TOMM40L: variants seen among roughly 807,000 people sequenced by gnomAD.
The protein encoded by TOMM40L is mitochondrial import receptor subunit TOM40B.
Under a neutral mutation model 38.3 loss-of-function variants are expected in TOMM40L, and 17 were observed. The ratio of observed to expected loss-of-function variants is 0.44; its 90% CI spans 0.30 to 0.67. The LOEUF (loss-of-function observed/expected upper bound fraction) is 0.67. Among genes scored for constraint, TOMM40L ranks in the 30% least tolerant of loss-of-function variants. TOMM40L has a pLI of 0.08. For missense variants in TOMM40L, 294 were observed against 390.0 expected, an observed-to-expected ratio of 0.75 and a Z score of 2.07; for synonymous variants, 151 against 150.2, an observed-to-expected ratio of 1.01 and a Z score of -0.04.
chr1:161,229,981 G>A lies in TOMM40L; in HGVS notation c.*886G>A, dbSNP rs1381173792. On this transcript the variant is annotated 3_prime_UTR_variant, in exon 10 of 10. Transcript: ENST00000367988. ...AAACAGGAGGGAAATAAGGCAGTTG[G>A]GAGTCTTGTCTCTAGGCCCTGATCC... The A allele has an allele frequency of 6.2e-7, 1 of 1,605,890 alleles. No individual in the cohort carries two copies. The highest frequency in any genetic ancestry group is 8.5e-7 in the Non-Finnish European group (1 of 1,174,932).
chr1:161,230,197 G>A lies in TOMM40L; in HGVS notation c.*1102G>A. ...GTGAAGAAAGCTCCAGACTTGGCCAGAACTCCAACCATGTGGAATCTGAGG... is the reference window on the plus strand; with the variant it reads ...GTGAAGAAAGCTCCAGACTTGGCCAAAACTCCAACCATGTGGAATCTGAGG... On this transcript the variant is annotated 3_prime_UTR_variant, in exon 10 of 10. Transcript: ENST00000367988. 2.2e-6 allele frequency: 1 copy of A among 453,442 alleles called. No homozygotes were observed. The highest frequency in any genetic ancestry group is 4.0e-6 in the Non-Finnish European group (1 of 250,760). 28.1% of individuals were successfully genotyped at this position (453,442 alleles called of 1,614,324 possible).
chr1:161,227,312 G>T lies in TOMM40L; in HGVS notation c.238G>T (p.Ala80Ser), dbSNP rs753836589. 6.2e-7 allele frequency: 1 copy of T among 1,614,032 alleles called. No individual in the cohort carries two copies. Among genetic ancestry groups the T allele is most frequent in the Non-Finnish European group, 8.5e-7 (1 of 1,180,044 alleles). Residue 80 changes from alanine to serine, a missense_variant, in exon 4 of 10, where the codon GCG becomes TCG. Ala to Ser is a moderately conservative substitution (Grantham distance 99, BLOSUM62 1). Coordinates refer to ENST00000367988, the MANE Select transcript of TOMM40L (RefSeq NM_032174.6). ...ALGLPGYHLH[A>S]AYAGDWQLSP... ...GGGCTTGCCGGGATATCACCTCCAT[G>T]CGGCCTATGCAGGGGATTGGCAGCT...
At position 161,227,933 on chromosome 1, in the gene TOMM40L, G is replaced by A. The variant is rs1364555672; in HGVS notation, c.428G>A (p.Gly143Glu). Residue 143 changes from glycine to glutamate, a missense_variant, in exon 6 of 10, where the codon GGA becomes GAA. By Grantham distance (98) the Gly-to-Glu change is moderately conservative. Coordinates refer to ENST00000367988, the MANE Select transcript of TOMM40L (RefSeq NM_032174.6). ...TGGCAGTTTGATGGCGAGTATCGGGGAGATGACTACACAGCCACTCTGACC... is the reference window on the plus strand; with the variant it reads ...TGGCAGTTTGATGGCGAGTATCGGGAAGATGACTACACAGCCACTCTGACC... ...LTWQFDGEYR[G>E]DDYTATLTLG... The A allele has an allele frequency of 1.9e-6, 3 of 1,614,132 alleles. No individual in the cohort carries two copies. The highest frequency in any genetic ancestry group is 2.5e-6 in the Non-Finnish European group (3 of 1,180,028).
chr1:161,228,683 A>T, intron 8 of TOMM40L, 32 bp from the exon 9 acceptor site: 1 of 1,611,300 alleles, frequency 6.2e-7, no homozygotes, highest in Non-Finnish European at 8.5e-7. Context: ...ACTGATACTG[A>T]TCTCTCTCTC....
At position 161,228,328 on chromosome 1, in the gene TOMM40L, AGTG is replaced by A. The variant is rs1343277311; in HGVS notation, c.607+31_607+33del. Reference sequence around the variant, plus strand: ...ACTCGGGTATGGGGCGAAGTGAAGTAGTGGTGGTGGTGGGGGGCAATTCTGGAC... The same window carrying A: ...ACTCGGGTATGGGGCGAAGTGAAGTAGTGGTGGTGGGGGGCAATTCTGGAC... On this transcript the variant is annotated intron_variant, in intron 7 of 9. Coordinates refer to ENST00000367988, the MANE Select transcript of TOMM40L (RefSeq NM_032174.6). 10 of 1,607,856 alleles carry A rather than the reference AGTG, an allele frequency of 6.2e-6. No individual in the cohort carries two copies. Among genetic ancestry groups the A allele is most frequent in the Admixed American group, 1.7e-5 (1 of 59,764 alleles).
rs1666567067 is a variant in TOMM40L, at chr1:161,228,794, C to T, written c.764C>T (p.Pro255Leu). ...TFSFGYHLTL[P>L]QANMVFRGLV... Reference sequence around the variant, plus strand: ...TCCTTTGGTTACCACCTGACTCTGCCCCAGGCCAACATGGTATTTAGAGGT... The same window carrying T: ...TCCTTTGGTTACCACCTGACTCTGCTCCAGGCCAACATGGTATTTAGAGGT... The change falls in exon 9 of 10, where the codon CCC becomes CTC. Residue 255 changes from proline to leucine, a missense_variant. By Grantham distance (98) the Pro-to-Leu change is moderately conservative. Coordinates refer to ENST00000367988, the MANE Select transcript of TOMM40L (RefSeq NM_032174.6). 6.2e-7 allele frequency: 1 copy of T among 1,614,118 alleles called. No individual in the cohort carries two copies. The highest frequency in any genetic ancestry group is 8.5e-7 in the Non-Finnish European group (1 of 1,180,026).
chr1:161,226,660 T>G (rs980825647), intron 2 of TOMM40L, 56 bp downstream of exon 2: 8 of 1,546,648 alleles, frequency 5.2e-6, no homozygotes, highest in African/African-American at 1.4e-5. Flanking sequence ...GTGGAGGGTC[T>G]TGAATGCCGG....
At chr1:161,227,232 T>C in intron 3 of TOMM40L, 26 bp from the exon 4 acceptor site, 2 of 1,608,594 alleles carry the variant, frequency 1.2e-6, no homozygotes, top group Non-Finnish European at 1.7e-6. Flanking sequence ...AATGCGCTTT[T>C]CTCCACTGAA....
rs1174799790 is a variant in TOMM40L, at chr1:161,227,901, C to T, written c.396C>T (p.Phe132=). The T allele has an allele frequency of 6.2e-6, 10 of 1,614,024 alleles. No individual in the cohort carries two copies. Among genetic ancestry groups the T allele is most frequent in the Non-Finnish European group, 8.5e-6 (10 of 1,180,014 alleles). ...CCACCCAGACGCAGCAGGCCAAGTT[C>T]CTGACATGGCAGTTTGATGGCGAGT... ...KAVFQTQQAK[F]LTWQFDGEYR... Residue 132 remains phenylalanine (F), a synonymous_variant, in exon 6 of 10, where the codon TTC becomes TTT. Coordinates refer to ENST00000367988, the MANE Select transcript of TOMM40L (RefSeq NM_032174.6).
At chr1:161,226,805 T>C in intron 2 of TOMM40L, 83 bp from the exon 3 acceptor site, 1 of 1,508,022 alleles carries the variant, frequency 6.6e-7, no homozygotes, top group African/African-American at 1.4e-5. Context: ...AAGTGTTCCC[T>C]ATGGGATTGA....
chr1:161,226,266 A>C, intron 1 of TOMM40L, 89 bp from the exon 2 acceptor site: 1 of 527,156 alleles, frequency 1.9e-6, no homozygotes, highest in Non-Finnish European at 3.4e-6. Context: ...AAGGGTGACA[A>C]GTGGGGGTGA....
chr1:161,230,411 T>G lies in TOMM40L; in HGVS notation c.*1316T>G. On this transcript the variant is annotated 3_prime_UTR_variant, in exon 10 of 10. Transcript: ENST00000367988. The stretch of plus-strand genomic sequence containing the variant: ...CATGAAACTGTGAATGGCCCTAACT[T>G]CAAGGGAAATGAGAAATCGAAGGAA... The G allele has an allele frequency of 1.3e-5, 5 of 381,004 alleles. No homozygotes were observed. The highest frequency in any genetic ancestry group is 2.4e-5 in the Non-Finnish European group (5 of 212,508). 23.6% of individuals were successfully genotyped at this position (381,004 alleles called of 1,614,324 possible). A position where few individuals can be genotyped will look rare whatever the true frequency, so the allele number is the denominator to read the frequency against.
intron 3 of TOMM40L, 66 bp from the exon 4 acceptor site, chr1:161,227,192 G>A (rs112674232): frequency 1.3e-6 from 2 of 1,485,350 alleles, no homozygotes; most frequent in Middle Eastern, 1.7e-4. Flanking sequence ...AAAAGACTAA[G>A]GGTGGGATGA....
Position 161,229,261 on chromosome 1 carries a change from G to A in TOMM40L, c.*166G>A. 1 of 962,486 alleles carries A rather than the reference G, an allele frequency of 1.0e-6. No individual in the cohort carries two copies. The highest frequency in any genetic ancestry group is 2.7e-5 in the Admixed American group (1 of 36,706). The allele number at this position is 962,486 out of a possible 1,614,324, so 59.6% of individuals were successfully genotyped here. ...CTCCTCAGAACTGGAGCTGCCACAG[G>A]GGCAGTTGATGAGGCAGAGGTTTGA... On this transcript the variant is annotated 3_prime_UTR_variant, in exon 10 of 10. Transcript: ENST00000367988.
In TOMM40L at chr1:161,229,495, G is replaced by A; in HGVS notation, c.*400G>A. On this transcript the variant is annotated 3_prime_UTR_variant, in exon 10 of 10. Transcript: ENST00000367988. ...AGAGCCTCCCAAGGCTGGGAAAGTA[G>A]GGCTGAAGGGCTAGATGTTTGGTCT... 1.3e-6 allele frequency: 1 copy of A among 787,820 alleles called. No homozygotes were observed. Among genetic ancestry groups the A allele is most frequent in the Non-Finnish European group, 2.0e-6 (1 of 500,424 alleles). The allele number at this position is 787,820 out of a possible 1,614,324, so 48.8% of individuals were successfully genotyped here.
intron 3 of TOMM40L, 93 bp downstream of exon 3, chr1:161,227,048 C>A: frequency 6.7e-7 from 1 of 1,483,208 alleles, no homozygotes; most frequent in Non-Finnish European, 9.3e-7. Context: ...CCTAGCCAGT[C>A]TATGTGGGAC....
In TOMM40L at chr1:161,228,999, G is replaced by A; in HGVS notation, c.831G>A (p.Lys277=). The change falls in exon 10 of 10, where the codon AAG becomes AAA. Residue 277 remains lysine (K), a synonymous_variant. Transcript: ENST00000367988. ...SNWCVGAVLE[K]KMPPLPVTLA... The stretch of plus-strand genomic sequence containing the variant: ...GGTGTGTAGGTGCTGTGCTGGAGAA[G>A]AAGATGCCCCCTCTGCCTGTCACCC... 1.9e-6 allele frequency: 3 copies of A among 1,614,194 alleles called. No homozygotes were observed. Among genetic ancestry groups the A allele is most frequent in the Non-Finnish European group, 2.5e-6 (3 of 1,180,032 alleles).
rs773673267 is a variant in TOMM40L, at chr1:161,228,750, G to A, written c.720G>A (p.Arg240=). The change falls in exon 9 of 10, where the codon AGG becomes AGA. Residue 240 remains arginine (R), a synonymous_variant. Transcript: ENST00000367988. ...GAGTGGAGTTTGAGGCAAACACAAG[G>A]CTACAAGACACAACATTCTCCTTTG... ...QVGVEFEANT[R]LQDTTFSFGY... The A allele has an allele frequency of 3.1e-6, 5 of 1,613,996 alleles. No homozygotes were observed. Among genetic ancestry groups the A allele is most frequent in the Non-Finnish European group, 1.7e-6 (2 of 1,180,022 alleles).
In TOMM40L at chr1:161,229,829, T is replaced by A; in HGVS notation, c.*734T>A. ...CAGATCTCCTGGAGCAGCGGCATCA[T>A]GGCAGACAGGCCCTGGATGTGCTGG... On this transcript the variant is annotated 3_prime_UTR_variant, in exon 10 of 10. Coordinates refer to ENST00000367988, the MANE Select transcript of TOMM40L (RefSeq NM_032174.6). 2 of 1,614,220 alleles carry A rather than the reference T, an allele frequency of 1.2e-6. No homozygotes were observed. Among genetic ancestry groups the A allele is most frequent in the Non-Finnish European group, 1.7e-6 (2 of 1,180,040 alleles).
Sources: allele counts gnomAD v4.1 joint callset, GRCh38; gene constraint gnomAD v4.1.1; transcripts MANE v1.5; gene names NCBI Gene and HGNC (gene_info 2026-07-23, HGNC 2026-07-21).